Variants in TSHZ2 observed in about 807,000 individuals in gnomAD.
TSHZ2 encodes the protein teashirt zinc finger homeobox 2, also known as teashirt homolog 2.
TSHZ2 carries 21 observed loss-of-function variants against 74.4 expected under a neutral mutation model. The ratio of observed to expected loss-of-function variants is 0.28; its 90% CI spans 0.20 to 0.41. TSHZ2 has a LOEUF of 0.41. Among genes scored for constraint, TSHZ2 ranks in the 10% least tolerant of loss-of-function variants. The pLI is 1.00. For missense variants in TSHZ2, 1,244 were observed against 1,293.5 expected (o/e 0.96, Z 0.59); for synonymous variants, 540 against 515.3 (o/e 1.05, Z -0.65).
At chr20:53,009,144 A>G (rs1026463378) in intron 1 of TSHZ2, among the ~76,000 whole-genome samples, 2 of 151,896 alleles carry the variant, frequency 1.3e-5, no homozygotes, top group African/African-American at 4.8e-5. Flanking sequence ...GCCTGAAAAA[A>G]TAGTGAGACC....
At chr20:53,204,643 A>G (rs1989119240) in intron 1 of TSHZ2, among the ~76,000 whole-genome samples, 1 of 152,144 alleles carries the variant, frequency 6.6e-6, no homozygotes, top group African/African-American at 2.4e-5. Context: ...TAATAATCAC[A>G]GACACCATTT....
intron 1 of TSHZ2, among the ~76,000 whole-genome samples, chr20:53,139,718 AC>A (rs869206193): frequency 6.9e-6 from 1 of 144,840 alleles, no homozygotes; most frequent in Non-Finnish European, 1.6e-5. Context: ...TGATGTTTAC[AC>A]TCCTAATGAT....
chr20:53,333,605 A>G (rs1198420141), intron 2 of TSHZ2, among the ~76,000 whole-genome samples: 1 of 152,030 alleles, frequency 6.6e-6, no homozygotes, highest in Admixed American at 6.6e-5. Flanking sequence ...ATAGGCACCC[A>G]CCACCACGCC....
chr20:53,398,965 C>A (rs183867385), intron 2 of TSHZ2: 112 of 152,224 alleles, frequency 7.4e-4, no homozygotes, highest in African/African-American at 2.6e-3. Context: ...GAAATCATAG[C>A]CACAACATGT....
intron 1 of TSHZ2, among the ~76,000 whole-genome samples, chr20:53,075,191 T>C (rs894790657): frequency 6.6e-6 from 1 of 152,190 alleles, no homozygotes; most frequent in Non-Finnish European, 1.5e-5. Context: ...ATGAGTAAGA[T>C]TGGAATCTAC....
At chr20:53,261,285 G>C (rs1210962161) in intron 2 of TSHZ2, among the ~76,000 whole-genome samples, 1 of 152,136 alleles carries the variant, frequency 6.6e-6, no homozygotes, top group Non-Finnish European at 1.5e-5. Context: ...TGCAACTCAG[G>C]GGCCCAGGAC....
At chr20:53,466,315 G>T (rs6068555) in intron 2 of TSHZ2, among the ~76,000 whole-genome samples, 86,991 of 151,380 alleles carry the variant, frequency 0.57, 25,516 homozygotes, top group African/African-American at 0.69. Flanking sequence ...CCTTGTTTAT[G>T]TCCATACTTG....
intron 1 of TSHZ2, among the ~76,000 whole-genome samples, chr20:53,048,544 A>G (rs1984313150): frequency 6.6e-6 from 1 of 152,132 alleles, no homozygotes; most frequent in African/African-American, 2.4e-5. Flanking sequence ...TGGAATGGAA[A>G]AGCTCCCTCT....
chr20:53,170,505 T>C (rs979541600), intron 1 of TSHZ2, among the ~76,000 whole-genome samples: 3 of 152,196 alleles, frequency 2.0e-5, no homozygotes, highest in Non-Finnish European at 4.4e-5. Context: ...AACCAGATAC[T>C]TTCCTGCTAT....
At chr20:53,381,002 C>T (rs1243141261) in intron 2 of TSHZ2, among the ~76,000 whole-genome samples, 2 of 152,132 alleles carry the variant, frequency 1.3e-5, no homozygotes, top group Non-Finnish European at 2.9e-5. Flanking sequence ...CAGAATCCTG[C>T]GTTTGTGATT....
At chr20:53,132,365 G>A (rs1987128702) in intron 1 of TSHZ2, among the ~76,000 whole-genome samples, 1 of 149,592 alleles carries the variant, frequency 6.7e-6, no homozygotes, top group South Asian at 2.1e-4. Flanking sequence ...AGGCTGGAGT[G>A]CAGTGGCACC....
intron 2 of TSHZ2, among the ~76,000 whole-genome samples, chr20:53,365,019 AC>A (rs1981206671): frequency 6.6e-6 from 1 of 152,278 alleles, no homozygotes; most frequent in Non-Finnish European, 1.5e-5. Flanking sequence ...AACAGGCAGA[AC>A]AGCCAAAAGC....
At chr20:53,431,469 AAAG>A (rs1186653031) in intron 2 of TSHZ2, among the ~76,000 whole-genome samples, 8 of 151,234 alleles carry the variant, frequency 5.3e-5, no homozygotes, top group Non-Finnish European at 7.4e-5. Flanking sequence ...AAAAAAAAAA[AAAG>A]AAGAAGAAGA....
At chr20:53,088,363 G>T (rs1985762077) in intron 1 of TSHZ2, among the ~76,000 whole-genome samples, 7 of 152,142 alleles carry the variant, frequency 4.6e-5, no homozygotes, top group Admixed American at 3.3e-4. Flanking sequence ...ACAGGAAATT[G>T]CAATGAGTAA....
chr20:53,008,258 ATGGTTAAT>A (rs879931830), intron 1 of TSHZ2, among the ~76,000 whole-genome samples: 10 of 152,228 alleles, frequency 6.6e-5, no homozygotes, highest in Non-Finnish European at 1.5e-4. Flanking sequence ...TTTCAGAAAT[ATGGTTAAT>A]TGGGTAATTG....
At chr20:53,305,850 C>T (rs534446911) in intron 2 of TSHZ2, among the ~76,000 whole-genome samples, 19 of 152,116 alleles carry the variant, frequency 1.2e-4, no homozygotes, top group African/African-American at 4.3e-4. Context: ...TGGCGGTGTG[C>T]ACCTGTAGTC....
chr20:53,416,517 G>C (rs928907862), intron 2 of TSHZ2, among the ~76,000 whole-genome samples: 36 of 152,168 alleles, frequency 2.4e-4, no homozygotes. Flanking sequence ...GGACCAGTGG[G>C]CTAAATCCTA....
At chr20:53,053,709 T>C (rs1984553845) in intron 1 of TSHZ2, among the ~76,000 whole-genome samples, 1 of 152,168 alleles carries the variant, frequency 6.6e-6, no homozygotes, top group Non-Finnish European at 1.5e-5. Context: ...TCTTTGGAAA[T>C]AGCGCATACA....
chr20:52,996,343 A>ATTTG (rs1160633644), intron 1 of TSHZ2, among the ~76,000 whole-genome samples: 1 of 147,786 alleles, frequency 6.8e-6, no homozygotes, highest in African/African-American at 2.5e-5. Flanking sequence ...TTATTTATTT[A>ATTTG]TTTATTTATT....
Sources: gnomAD v4.1 joint callset for allele counts (sites outside exome capture counted in the v4.1 genomes callset) on GRCh38, gnomAD v4.1.1 for gene constraint, MANE v1.5 for transcripts, NCBI Gene and HGNC (gene_info 2026-07-23, HGNC 2026-07-21) for gene names.